CNTNAP2: variants seen among roughly 807,000 people sequenced by gnomAD.
CNTNAP2 encodes the protein contactin associated protein 2, also known as contactin-associated protein-like 2.
In CNTNAP2, 98 loss-of-function variants were observed where a neutral mutation model predicts 155.2. That is an observed-to-expected ratio of 0.63 (90% CI 0.54 to 0.75). CNTNAP2 has a LOEUF of 0.75. Among genes scored for constraint, CNTNAP2 ranks in the 30% least tolerant of loss-of-function variants. The pLI is 0.00. For missense variants in CNTNAP2, 1,727 were observed against 1,688.1 expected (o/e 1.02, Z -0.40); for synonymous variants, 651 against 631.2 (o/e 1.03, Z -0.47).
intron 1 of CNTNAP2, among the ~76,000 whole-genome samples, chr7:146,292,415 C>A (rs2129086817): frequency 6.6e-6 from 1 of 152,190 alleles, no homozygotes; most frequent in Non-Finnish European, 1.5e-5. Flanking sequence ...CAAAACTGCC[C>A]ATTAGCACAG....
At chr7:146,485,509 T>A (rs1797042017) in intron 1 of CNTNAP2, among the ~76,000 whole-genome samples, 1 of 152,216 alleles carries the variant, frequency 6.6e-6, no homozygotes, top group African/African-American at 2.4e-5. Flanking sequence ...CCCAGATGGG[T>A]CTGATTTCTG....
intron 1 of CNTNAP2, among the ~76,000 whole-genome samples, chr7:146,171,027 A>AAAATAAATAAATAAAT (rs34457672): frequency 1.3e-5 from 2 of 151,718 alleles, no homozygotes; most frequent in African/African-American, 4.8e-5. Context: ...ACTCCGTCTA[A>AAAATAAATAAATAAAT]AAATAAATAA....
intron 1 of CNTNAP2, among the ~76,000 whole-genome samples, chr7:146,267,871 A>T (rs1177197495): frequency 6.6e-6 from 1 of 152,234 alleles, no homozygotes; most frequent in Non-Finnish European, 1.5e-5. Context: ...GAGCTATGAT[A>T]CAAAGAGTCC....
chr7:148,333,207 C>A (rs1798061038), intron 21 of CNTNAP2, among the ~76,000 whole-genome samples: 1 of 152,178 alleles, frequency 6.6e-6, no homozygotes, highest in Non-Finnish European at 1.5e-5. Flanking sequence ...GTAGGTGGAT[C>A]ACCTGAGGTC....
intron 12 of CNTNAP2, among the ~76,000 whole-genome samples, chr7:147,630,816 T>A (rs986609444): frequency 2.0e-5 from 3 of 152,100 alleles, no homozygotes; most frequent in Admixed American, 6.6e-5. Context: ...ATAGAAGGGA[T>A]GTACCTCAAT....
At position 146,174,213 on chromosome 7, in the gene CNTNAP2, G is replaced by A. The variant is rs544637335; in HGVS notation, c.97+57240G>A. 2.2e-4 allele frequency among the ~76,000 whole-genome samples: 33 copies of A among 149,720 alleles called. No individual in the cohort carries two copies. The East Asian group carries it at 5.5e-3, about 25-fold the overall frequency. ...TAAGATGCTGTCTCAAAAAAAAAAA[G>A]GAAAGAAAAAAAAGAAAAAAAACCC... On this transcript the variant is annotated intron_variant, in intron 1 of 23. Transcript: ENST00000361727.
chr7:147,799,122 T>A (rs1797949401), intron 13 of CNTNAP2, among the ~76,000 whole-genome samples: 1 of 152,120 alleles, frequency 6.6e-6, no homozygotes, highest in Admixed American at 6.5e-5. Context: ...ATAAGAGAAT[T>A]CTGCCCTTAT....
intron 8 of CNTNAP2, among the ~76,000 whole-genome samples, chr7:147,160,464 G>C (rs1016490847): frequency 6.6e-6 from 1 of 152,002 alleles, no homozygotes; most frequent in Non-Finnish European, 1.5e-5. Context: ...TCACTGTCAA[G>C]ATTTTATTTT....
At chr7:147,719,164 C>G (rs1315066121) in intron 13 of CNTNAP2, among the ~76,000 whole-genome samples, 1 of 152,108 alleles carries the variant, frequency 6.6e-6, no homozygotes, top group East Asian at 1.9e-4. Flanking sequence ...ACTTTTAGCT[C>G]TCCAAAGGAA....
chr7:148,190,490 T>C (rs1343807897), intron 18 of CNTNAP2: 1 of 152,248 alleles, frequency 6.6e-6, no homozygotes. Context: ...AAGTATTATC[T>C]TTGTTTTTGC....
rs1585018900 is a variant in CNTNAP2 at position 146,638,763 on chromosome 7, G to A, written c.98-135508G>A. The stretch of plus-strand genomic sequence containing the variant: ...GCCTCCCAAAGTGTTGGGATTACAG[G>A]CTTGAGCCACCGCGCCCGGCCAGGT... On this transcript the variant is annotated intron_variant, in intron 1 of 23. Transcript: ENST00000361727. 3.3e-5 allele frequency among the ~76,000 whole-genome samples: 5 copies of A among 152,106 alleles called. No homozygotes were observed. In the South Asian group the frequency reaches 1.0e-3, roughly 32 times the overall value.
chr7:147,122,302 G>C (rs1284908606), intron 6 of CNTNAP2: 1 of 152,214 alleles, frequency 6.6e-6, no homozygotes, highest in African/African-American at 2.4e-5. Context: ...TACTTAGCCA[G>C]AAGTTTCCGA....
Position 148,175,156 on chromosome 7 carries a change from T to C in CNTNAP2, c.3010+2678T>C, listed in dbSNP as rs538017175. On this transcript the variant is annotated intron_variant, in intron 18 of 23. Coordinates refer to ENST00000361727, the MANE Select transcript of CNTNAP2 (RefSeq NM_014141.6). ...CACATTTTCTTTATCCAGTCTATCA[T>C]TGATGGGCATTTGGGATGGTTCTAA... 3.9e-5 allele frequency among the ~76,000 whole-genome samples: 6 copies of C among 152,348 alleles called. No individual in the cohort carries two copies. The South Asian group carries it at 8.3e-4, about 21-fold the overall frequency.
intron 10 of CNTNAP2, among the ~76,000 whole-genome samples, chr7:147,439,316 C>G (rs2116544294): frequency 6.6e-6 from 1 of 151,704 alleles, no homozygotes; most frequent in Middle Eastern, 3.4e-3. Context: ...AGAAAAATTC[C>G]AATTTTCTTA....
intron 1 of CNTNAP2, among the ~76,000 whole-genome samples, chr7:146,644,763 C>T (rs983109801): frequency 6.6e-6 from 1 of 152,116 alleles, no homozygotes; most frequent in Admixed American, 6.6e-5. Context: ...CACATACACC[C>T]TCCCAAGACT....
intron 1 of CNTNAP2, among the ~76,000 whole-genome samples, chr7:146,613,624 T>A (rs914367574): frequency 6.6e-6 from 1 of 152,196 alleles, no homozygotes; most frequent in Non-Finnish European, 1.5e-5. Context: ...CTGTTCAATA[T>A]GAGAACTATA....
intron 3 of CNTNAP2, among the ~76,000 whole-genome samples, chr7:146,874,997 A>G (rs1795391225): frequency 6.6e-6 from 1 of 152,202 alleles, no homozygotes; most frequent in East Asian, 1.9e-4. Flanking sequence ...CATCAACGTC[A>G]TTAACTTTGG....
chr7:146,218,359 A>G (rs1799149516), intron 1 of CNTNAP2, among the ~76,000 whole-genome samples: 1 of 152,082 alleles, frequency 6.6e-6, no homozygotes, highest in Admixed American at 6.6e-5. Flanking sequence ...AATACAAAAA[A>G]TTAGCCGGGC....
At chr7:147,285,698 G>A (rs2116735014) in intron 8 of CNTNAP2, among the ~76,000 whole-genome samples, 1 of 152,118 alleles carries the variant, frequency 6.6e-6, no homozygotes, top group African/African-American at 2.4e-5. Context: ...TAAGAGGACA[G>A]GAACTATGTG....
Sources: allele counts gnomAD v4.1 joint callset (sites outside exome capture counted in the v4.1 genomes callset), GRCh38; gene constraint gnomAD v4.1.1; transcripts MANE v1.5; gene names NCBI Gene and HGNC (gene_info 2026-07-23, HGNC 2026-07-21).